The following SWAP70 variants were observed in gnomAD, a reference collection of about 807,000 sequenced individuals.
SWAP70 encodes the protein switching B cell complex subunit SWAP70.
SWAP70 carries 34 observed loss-of-function variants against 80.2 expected under a neutral mutation model. The observed-to-expected ratio is 0.42, with a 90% CI of 0.32 to 0.56. SWAP70 has a LOEUF of 0.56. Among genes scored for constraint, SWAP70 ranks in the 20% least tolerant of loss-of-function variants. SWAP70 has a pLI of 0.09. For synonymous variants in SWAP70, 239 were observed against 238.5 expected (o/e 1.00, Z -0.02); for missense variants, 578 against 690.7 (o/e 0.84, Z 1.83).
intron 2 of SWAP70, among the ~76,000 whole-genome samples, chr11:9,697,603 C>G (rs371840861): frequency 6.6e-6 from 1 of 151,926 alleles, no homozygotes; most frequent in Non-Finnish European, 1.5e-5. Context: ...TTAGAAACCA[C>G]GAGAAATATT....
At chr11:9,748,181 GAA>G in intron 10 of SWAP70, 125 bp downstream of exon 10, 1 of 983,734 alleles carries the variant, frequency 1.0e-6, no homozygotes, top group Non-Finnish European at 1.5e-6. Flanking sequence ...CTGTAAGAAA[GAA>G]AAAAGAGGGA....
At chr11:9,677,114 T>G (rs1850511956) in intron 1 of SWAP70, among the ~76,000 whole-genome samples, 1 of 152,006 alleles carries the variant, frequency 6.6e-6, no homozygotes, top group African/African-American at 2.4e-5. Context: ...ATAAACCTTA[T>G]TAATGTGGCA....
chr11:9,691,249 T>C (rs1164985708), intron 1 of SWAP70, among the ~76,000 whole-genome samples: 1 of 152,192 alleles, frequency 6.6e-6, no homozygotes, highest in African/African-American at 2.4e-5. Context: ...AGACTTCCCT[T>C]TTATAGACCT....
rs1365550847 is a variant in SWAP70 at position 9,732,698 on chromosome 11, G to A, written c.1068G>A (p.Glu356=). The A allele has an allele frequency of 6.5e-7, 1 of 1,549,916 alleles. No homozygotes were observed. Among genetic ancestry groups the A allele is most frequent in the East Asian group, 2.4e-5 (1 of 41,152 alleles). ...AANESKQQEL[E]AVRKKLEEAA... ...ACGAAAGCAAGCAGCAGGAGCTGGA[G>A]GCCGTGCGGAAGGTGGGAATGGGCG... Residue 356 remains glutamate, a synonymous_variant, in exon 7 of 12, where the codon GAG becomes GAA. Transcript: ENST00000318950.
At chr11:9,730,590 C>T (rs901474288) in intron 6 of SWAP70, among the ~76,000 whole-genome samples, 6 of 151,964 alleles carry the variant, frequency 3.9e-5, no homozygotes, top group African/African-American at 1.5e-4. Flanking sequence ...AGAATTTTCC[C>T]TTTTAAGGAC....
At chr11:9,732,477 A>G (rs191670180) in intron 6 of SWAP70, 52 bp from the exon 7 acceptor site, 1 of 1,531,360 alleles carries the variant, frequency 6.5e-7, no homozygotes, top group African/African-American at 1.4e-5. Flanking sequence ...GTAGGCTTAC[A>G]AAGAATAAAT....
intron 1 of SWAP70, among the ~76,000 whole-genome samples, chr11:9,675,193 CA>C (rs1850472743): frequency 6.6e-6 from 1 of 151,414 alleles, no homozygotes; most frequent in Non-Finnish European, 1.5e-5. Flanking sequence ...GTAGCTGAGA[CA>C]GGAGATGGCC....
At chr11:9,685,553 C>T (rs146943931) in intron 1 of SWAP70, among the ~76,000 whole-genome samples, 1 of 152,184 alleles carries the variant, frequency 6.6e-6, no homozygotes, top group African/African-American at 2.4e-5. Flanking sequence ...AACTCTCTCC[C>T]TTCAACCTCT....
At chr11:9,677,862 CAAT>C (rs559116771) in intron 1 of SWAP70, among the ~76,000 whole-genome samples, 206 of 152,040 alleles carry the variant, frequency 1.4e-3, no homozygotes, top group Non-Finnish European at 2.0e-3. Context: ...AGTATTTTCT[CAAT>C]GATAGATTTT....
chr11:9,682,769 C>T (rs979583590), intron 1 of SWAP70, among the ~76,000 whole-genome samples: 36 of 152,132 alleles, frequency 2.4e-4, no homozygotes, highest in African/African-American at 7.5e-4. Flanking sequence ...CTCCGCCTCC[C>T]GGGTTCAAGT....
intron 8 of SWAP70, among the ~76,000 whole-genome samples, chr11:9,738,564 C>A (rs1564834076): frequency 6.6e-6 from 1 of 152,020 alleles, no homozygotes; most frequent in African/African-American, 2.4e-5. Context: ...GTTTTCAAGA[C>A]TCCTAAGTGG....
chr11:9,716,737 G>T (rs567161672), intron 3 of SWAP70, among the ~76,000 whole-genome samples: 1 of 152,212 alleles, frequency 6.6e-6, no homozygotes, highest in African/African-American at 2.4e-5. Context: ...CATCCTTGTG[G>T]AGCTGTGCAC....
At chr11:9,707,762 G>T (rs1182919348) in intron 2 of SWAP70, among the ~76,000 whole-genome samples, 1 of 151,784 alleles carries the variant, frequency 6.6e-6, no homozygotes, top group Non-Finnish European at 1.5e-5. Context: ...CACCATCTTG[G>T]CCAGGCTGGT....
intron 1 of SWAP70, among the ~76,000 whole-genome samples, chr11:9,666,082 G>GT (rs1354445570): frequency 3.5e-5 from 5 of 142,158 alleles, no homozygotes; most frequent in African/African-American, 7.8e-5. Context: ...ATATGCTTTA[G>GT]TTTTTTGTTT....
At chr11:9,703,828 T>C (rs1363946393) in intron 2 of SWAP70, among the ~76,000 whole-genome samples, 1 of 152,166 alleles carries the variant, frequency 6.6e-6, no homozygotes, top group Non-Finnish European at 1.5e-5. Context: ...GAATAAGATA[T>C]GGCCTTTGAT....
At chr11:9,722,758 C>T (rs1417990903) in intron 3 of SWAP70, among the ~76,000 whole-genome samples, 23 of 152,168 alleles carry the variant, frequency 1.5e-4, no homozygotes, top group Admixed American at 1.5e-3. Context: ...TACTTATAAT[C>T]TATGGCAAGT....
chr11:9,670,431 C>G (rs188797107), intron 1 of SWAP70, among the ~76,000 whole-genome samples: 1 of 152,018 alleles, frequency 6.6e-6, no homozygotes, highest in Non-Finnish European at 1.5e-5. Context: ...GTTTTGAACA[C>G]GAAAAGTTTT....
chr11:9,674,339 A>C (rs1181896013), intron 1 of SWAP70, among the ~76,000 whole-genome samples: 1 of 152,178 alleles, frequency 6.6e-6, no homozygotes, highest in Non-Finnish European at 1.5e-5. Context: ...TCATAATATC[A>C]CATGTTGCAG....
chr11:9,737,337 C>G (rs529049468), intron 7 of SWAP70, among the ~76,000 whole-genome samples: 1 of 152,106 alleles, frequency 6.6e-6, no homozygotes, highest in Non-Finnish European at 1.5e-5. Context: ...CATCATATGC[C>G]ACAGACCCTC....
Sources: gnomAD v4.1 joint callset for allele counts (sites outside exome capture counted in the v4.1 genomes callset) on GRCh38, gnomAD v4.1.1 for gene constraint, MANE v1.5 for transcripts, NCBI Gene and HGNC (gene_info 2026-07-23, HGNC 2026-07-21) for gene names.